The following PLCB1 variants were observed in gnomAD, a reference collection of about 807,000 sequenced individuals.
PLCB1 encodes the protein phospholipase C beta 1.
Under a neutral mutation model 161.8 loss-of-function variants are expected in PLCB1, and 46 were observed. That is an observed-to-expected ratio of 0.28 (90% CI 0.22 to 0.36). The LOEUF (loss-of-function observed/expected upper bound fraction) is 0.36, where lower values mean the gene tolerates loss of function less well. PLCB1 is among the 10% of genes least tolerant of loss of function. PLCB1 has a pLI of 1.00. For synonymous variants in PLCB1, 517 were observed against 503.7 expected, an observed-to-expected ratio of 1.03 and a Z score of -0.35; for missense variants, 1,016 against 1,472.5, an observed-to-expected ratio of 0.69 and a Z score of 5.07.
intron 3 of PLCB1, among the ~76,000 whole-genome samples, chr20:8,529,860 T>C (rs564112032): frequency 5.5e-4 from 83 of 152,266 alleles, no homozygotes; most frequent in African/African-American, 1.9e-3. Context: ...TCAAGAGTTC[T>C]GTAACTCTTG....
chr20:8,401,914 A>G (rs1243278562), intron 3 of PLCB1, among the ~76,000 whole-genome samples: 1 of 152,174 alleles, frequency 6.6e-6, no homozygotes. Context: ...AATGTTTACC[A>G]TAATATCTAT....
intron 2 of PLCB1, among the ~76,000 whole-genome samples, chr20:8,180,048 T>C (rs6039070): frequency 0.58 from 87,551 of 150,782 alleles, 26,992 homozygotes; most frequent in African/African-American, 0.8. Flanking sequence ...TTAGTGGAGA[T>C]GGGGTTTCAC....
At chr20:8,387,777 C>CGTG (rs1222753248) in intron 3 of PLCB1, among the ~76,000 whole-genome samples, 3 of 151,838 alleles carry the variant, frequency 2.0e-5, no homozygotes, top group African/African-American at 7.3e-5. Context: ...TAGAAAGTTG[C>CGTG]ATGGTGGTTG....
Position 8,455,344 on chromosome 20 carries a change from A to T in PLCB1, c.246+83894A>T, listed in dbSNP as rs532309512. On this transcript the variant is annotated intron_variant, in intron 3 of 31. Transcript: ENST00000338037. ...ACTCCATCACAAAAAAAAAAAAAAAATACTGGTCAATTGGAAGTATCTGGA... is the reference window on the plus strand; with the variant it reads ...ACTCCATCACAAAAAAAAAAAAAAATTACTGGTCAATTGGAAGTATCTGGA... 6.0e-5 allele frequency among the ~76,000 whole-genome samples: 9 copies of T among 150,880 alleles called. No homozygotes were observed. In the South Asian group the frequency reaches 1.9e-3, roughly 31 times the overall value.
chr20:8,238,728 C>T (rs189011152), intron 2 of PLCB1, among the ~76,000 whole-genome samples: 315 of 151,610 alleles, frequency 2.1e-3, no homozygotes, highest in African/African-American at 7.2e-3. Context: ...GGCAAAATTG[C>T]GGGAAGTGTT....
chr20:8,881,583 A>C (rs1987991713), intron 31 of PLCB1, 39 bp from the exon 32 acceptor site: 1 of 1,501,888 alleles, frequency 6.7e-7, no homozygotes, highest in African/African-American at 1.4e-5. Flanking sequence ...ATAGAAACAT[A>C]AACAACTTCA....
At chr20:8,790,431 A>C (rs1472759307) in intron 31 of PLCB1, among the ~76,000 whole-genome samples, 170 bp downstream of exon 31, 1 of 152,232 alleles carries the variant, frequency 6.6e-6, no homozygotes, top group Non-Finnish European at 1.5e-5. Flanking sequence ...ATATTCAGTA[A>C]GCATTTATCA....
intron 9 of PLCB1, among the ~76,000 whole-genome samples, chr20:8,660,237 A>G (rs1490551659): frequency 6.6e-6 from 1 of 151,968 alleles, no homozygotes; most frequent in African/African-American, 2.4e-5. Flanking sequence ...GCCCCTCCAA[A>G]CCTACTTAAA....
At chr20:8,609,580 G>A (rs1003817283) in intron 3 of PLCB1, among the ~76,000 whole-genome samples, 89 of 152,086 alleles carry the variant, frequency 5.9e-4, no homozygotes, top group African/African-American at 2.1e-3. Flanking sequence ...GAAAACTTGA[G>A]CATCTGTCAA....
intron 2 of PLCB1, among the ~76,000 whole-genome samples, chr20:8,180,454 G>T (rs1259743929): frequency 1.3e-5 from 2 of 152,156 alleles, no homozygotes; most frequent in Admixed American, 6.5e-5. Context: ...GTAGCAGAAT[G>T]ATGCTGGCCT....
At chr20:8,730,756 G>T (rs1209785931) in intron 18 of PLCB1, among the ~76,000 whole-genome samples, 1 of 151,160 alleles carries the variant, frequency 6.6e-6, no homozygotes, top group Non-Finnish European at 1.5e-5. Flanking sequence ...AAAATTTTTT[G>T]TATTAAGTCC....
At chr20:8,350,216 A>G (rs1367688034) in intron 2 of PLCB1, among the ~76,000 whole-genome samples, 4 of 152,044 alleles carry the variant, frequency 2.6e-5, no homozygotes, top group Admixed American at 6.6e-5. Flanking sequence ...TCCATTAGCT[A>G]TTTTTTCTGA....
intron 25 of PLCB1, among the ~76,000 whole-genome samples, chr20:8,762,102 C>T (rs1982070987): frequency 6.6e-6 from 1 of 151,942 alleles, no homozygotes; most frequent in South Asian, 2.1e-4. Flanking sequence ...CCCAGCTACT[C>T]AGGAAGCTGA....
At chr20:8,289,950 CT>C (rs1345117448) in intron 2 of PLCB1, among the ~76,000 whole-genome samples, 1 of 152,164 alleles carries the variant, frequency 6.6e-6, no homozygotes. Context: ...TTTGATTCAT[CT>C]TTTGTAATAT....
chr20:8,380,927 C>A lies in PLCB1; in HGVS notation c.246+9477C>A, dbSNP rs367979809. Among the ~76,000 whole-genome samples, 8 of 152,064 alleles carry A rather than the reference C, an allele frequency of 5.3e-5. No homozygotes were observed. In the South Asian group the frequency reaches 1.0e-3, roughly 20 times the overall value. On this transcript the variant is annotated intron_variant, in intron 3 of 31. Transcript: ENST00000338037. ...GACTTCTCTCTTCCTATTTGAATAC[C>A]CTTTATTTCTTTCTCTTGCCTGATT...
At chr20:8,678,744 T>C (rs1990148135) in intron 9 of PLCB1, among the ~76,000 whole-genome samples, 1 of 152,184 alleles carries the variant, frequency 6.6e-6, no homozygotes, top group Non-Finnish European at 1.5e-5. Context: ...CAACGCTGAC[T>C]GATTTTTCTT....
At chr20:8,254,211 T>A (rs1981295202) in intron 2 of PLCB1, among the ~76,000 whole-genome samples, 1 of 151,984 alleles carries the variant, frequency 6.6e-6, no homozygotes, top group Non-Finnish European at 1.5e-5. Context: ...TTTGAAGTCA[T>A]CTAGTAGACT....
chr20:8,544,465 T>C (rs1471854352), intron 3 of PLCB1, among the ~76,000 whole-genome samples: 1 of 152,238 alleles, frequency 6.6e-6, no homozygotes, highest in African/African-American at 2.4e-5. Flanking sequence ...GGACAAGTCA[T>C]GTATTGTTCT....
chr20:8,570,024 T>C (rs1263453811), intron 3 of PLCB1, among the ~76,000 whole-genome samples: 1 of 152,152 alleles, frequency 6.6e-6, no homozygotes, highest in African/African-American at 2.4e-5. Flanking sequence ...AAAGGTCTGG[T>C]TGTTTCTCTT....
Sources: gnomAD v4.1 joint callset for allele counts (sites outside exome capture counted in the v4.1 genomes callset) on GRCh38, gnomAD v4.1.1 for gene constraint, MANE v1.5 for transcripts, NCBI Gene and HGNC (gene_info 2026-07-23, HGNC 2026-07-21) for gene names.